Variants in PDE2A observed in about 807,000 individuals in gnomAD.
PDE2A encodes cGMP-dependent 3',5'-cyclic phosphodiesterase.
Under a neutral mutation model 133.6 loss-of-function variants are expected in PDE2A, and 53 were observed. The ratio of observed to expected loss-of-function variants is 0.40; its 90% CI spans 0.32 to 0.50. PDE2A has a LOEUF of 0.50. PDE2A is among the 20% of genes least tolerant of loss of function. The pLI is 0.73. For synonymous variants in PDE2A, 491 were observed against 490.2 expected, an observed-to-expected ratio of 1.00 and a Z score of -0.02; for missense variants, 796 against 1,232.4, an observed-to-expected ratio of 0.65 and a Z score of 5.30.
At chr11:72,640,993 C>T (rs766805689) in intron 2 of PDE2A, among the ~76,000 whole-genome samples, 5 of 152,184 alleles carry the variant, frequency 3.3e-5, no homozygotes, top group Non-Finnish European at 5.9e-5. Context: ...GCACAACACA[C>T]ATGATTACAC....
intron 1 of PDE2A, among the ~76,000 whole-genome samples, chr11:72,660,324 G>A (rs1855015822): frequency 6.6e-6 from 1 of 152,186 alleles, no homozygotes; most frequent in Non-Finnish European, 1.5e-5. Flanking sequence ...AGAACTGGCA[G>A]CCATGCAGAA....
chr11:72,604,230 A>G (rs1856873453), intron 4 of PDE2A, among the ~76,000 whole-genome samples: 1 of 152,190 alleles, frequency 6.6e-6, no homozygotes, highest in Non-Finnish European at 1.5e-5. Flanking sequence ...CCTGCCCCCA[A>G]GGTTTTCTCA....
intron 2 of PDE2A, chr11:72,636,020 TG>T: frequency 7.9e-7 from 1 of 1,262,936 alleles, no homozygotes; most frequent in Admixed American, 2.3e-5. Flanking sequence ...TGTCTCCCAG[TG>T]GCAGCCCCCA....
intron 7 of PDE2A, chr11:72,591,042 C>T (rs1184811915): frequency 4.2e-6 from 2 of 477,322 alleles, no homozygotes; most frequent in Non-Finnish European, 7.5e-6. Flanking sequence ...AGTTGGCAAC[C>T]GTGTGTATTT....
At chr11:72,608,510 C>T in intron 3 of PDE2A, 152 bp downstream of exon 3, 2 of 529,940 alleles carry the variant, frequency 3.8e-6, no homozygotes, top group Non-Finnish European at 3.5e-6. Context: ...TGTCTCAGAA[C>T]ACCCATCCAG....
chr11:72,599,589 C>A (rs910623253), intron 4 of PDE2A, among the ~76,000 whole-genome samples: 1 of 152,216 alleles, frequency 6.6e-6, no homozygotes, highest in African/African-American at 2.4e-5. Context: ...CACATGGAGA[C>A]ACCTTTTCCC....
At chr11:72,594,917 C>T (rs79781628) in intron 6 of PDE2A, among the ~76,000 whole-genome samples, 2,902 of 152,230 alleles carry the variant, frequency 0.019, 86 homozygotes, top group African/African-American at 0.067. Flanking sequence ...TGCCTTCCCC[C>T]AGACTGAGAG....
rs1855587200 is a variant in PDE2A, at chr11:72,578,969, G to A, written c.2397C>T (p.Leu799=). The A allele has an allele frequency of 1.2e-6, 2 of 1,614,004 alleles. No homozygotes were observed. The highest frequency in any genetic ancestry group is 2.2e-5 in the East Asian group (1 of 44,876). ...DRNNKQHHRL[L]LCLLMTSCDL... ...CACAGGAGGTCATGAGGAGGCAGAG[G>A]AGAAGTCTGTGGTGCTGCTTGTTGT... The change falls in exon 28 of 31, where the codon CTC becomes CTT. Residue 799 remains leucine (L), a synonymous_variant. Coordinates refer to ENST00000334456, the MANE Select transcript of PDE2A (RefSeq NM_002599.5). The surrounding 1 kb of genome is among the most constrained non-coding windows in gnomAD (Gnocchi z 4.2).
In PDE2A at chr11:72,577,071, C is replaced by T. The variant is rs1380365828; in HGVS notation, c.*313G>A. 3.2e-6 allele frequency: 1 copy of T among 312,404 alleles called. No individual in the cohort carries two copies. The highest frequency in any genetic ancestry group is 8.5e-5 in the South Asian group (1 of 11,822). 19.4% of individuals were successfully genotyped at this position (312,404 alleles called of 1,614,324 possible). On this transcript the variant is annotated 3_prime_UTR_variant, in exon 31 of 31. Coordinates refer to ENST00000334456, the MANE Select transcript of PDE2A (RefSeq NM_002599.5). Reference sequence around the variant, plus strand: ...CAGAAATGGGGCAAGGAGAAACCATCAAGCTGCTCAGACAAAGAATGGCTT... The same window carrying T: ...CAGAAATGGGGCAAGGAGAAACCATTAAGCTGCTCAGACAAAGAATGGCTT...
Position 72,583,474 on chromosome 11 carries a change from G to C in PDE2A, c.1692C>G (p.Ser564Arg). ...ACATCATCATCTCATTGGCCAGGTG[G>C]CTGCGATACTGAGCCTCATTCACTT... ...YKKVNEAQYRSHLANEMMMYH... is the reference protein window; with the variant it reads ...YKKVNEAQYRRHLANEMMMYH... Residue 564 changes from serine to arginine, a missense_variant, in exon 20 of 31, where the codon AGC becomes AGG. Around this residue, in one of 7 missense-constraint regions of PDE2A, gnomAD observed 218 missense variants for 465.9 expected, o/e 0.47. Coordinates refer to ENST00000334456, the MANE Select transcript of PDE2A (RefSeq NM_002599.5). 6.2e-7 allele frequency: 1 copy of C among 1,612,862 alleles called. No individual in the cohort carries two copies. The highest frequency in any genetic ancestry group is 8.5e-7 in the Non-Finnish European group (1 of 1,178,878).
At chr11:72,625,829 G>A (rs759304237) in intron 2 of PDE2A, among the ~76,000 whole-genome samples, 24 of 152,256 alleles carry the variant, frequency 1.6e-4, no homozygotes, top group South Asian at 6.2e-4. Flanking sequence ...TGCCCCAGCC[G>A]GTCTGCAGGA....
intron 2 of PDE2A, among the ~76,000 whole-genome samples, chr11:72,626,744 C>A (rs1858098162): frequency 6.6e-6 from 1 of 152,216 alleles, no homozygotes; most frequent in African/African-American, 2.4e-5. Flanking sequence ...CTGCCTAGTG[C>A]TACCCCCGCA....
At position 72,612,275 on chromosome 11, in the gene PDE2A, C is replaced by CCACACA. The variant is rs55775130; in HGVS notation, c.145-3530_145-3525dup. ...TTGCACTTAGACATGCACATCACATCCACACACACACACACACACACACAC... is the reference window on the plus strand; with the variant it reads ...TTGCACTTAGACATGCACATCACATCCACACACACACACACACACACACACACACAC... On this transcript the variant is annotated intron_variant, in intron 2 of 30. Transcript: ENST00000334456. Among the ~76,000 whole-genome samples the CCACACA allele has an allele frequency of 9.0e-3, 1,124 of 124,228 alleles. 20 individuals are homozygous for CCACACA. The highest frequency in any genetic ancestry group is 0.029 in the African/African-American group (1,038 of 35,986). 81.5% of individuals were successfully genotyped at this position (124,228 alleles called of 152,430 possible).
At chr11:72,619,112 T>C (rs1468154425) in intron 2 of PDE2A, among the ~76,000 whole-genome samples, 1 of 152,158 alleles carries the variant, frequency 6.6e-6, no homozygotes, top group Non-Finnish European at 1.5e-5. Context: ...CTGGGATATC[T>C]TGTGGGACTG....
chr11:72,583,530 G>A lies in PDE2A; in HGVS notation c.1651-15C>T, dbSNP rs756530732. On this transcript the variant is annotated splice_polypyrimidine_tract_variant and intron_variant, in intron 19 of 30. Transcript: ENST00000334456. Reference sequence around the variant, plus strand: ...TATAGGAGAGACTAGGGGAAAGAGGGAAAGATGGGGCTCAAGGAAGGTGGC... The same window carrying A: ...TATAGGAGAGACTAGGGGAAAGAGGAAAAGATGGGGCTCAAGGAAGGTGGC... The A allele has an allele frequency of 1.3e-6, 2 of 1,565,786 alleles. No homozygotes were observed. The highest frequency in any genetic ancestry group is 2.7e-5 in the African/African-American group (2 of 73,980).
chr11:72,642,434 C>G (rs949384180), intron 1 of PDE2A, 108 bp from the exon 2 acceptor site: 41 of 1,203,746 alleles, frequency 3.4e-5, no homozygotes, highest in Non-Finnish European at 4.2e-5. Flanking sequence ...AGCGCGTCCG[C>G]GACAGCTTCG....
chr11:72,615,244 T>C, intron 2 of PDE2A: 1 of 302,022 alleles, frequency 3.3e-6, no homozygotes, highest in South Asian at 2.7e-5. Flanking sequence ...CCTCTCGCCC[T>C]TCCCAAGCCA....
chr11:72,642,216 C>T, intron 2 of PDE2A, 38 bp downstream of exon 2: 1 of 1,425,298 alleles, frequency 7.0e-7, no homozygotes, highest in Non-Finnish European at 9.2e-7. Flanking sequence ...TCGCCGGACA[C>T]CCCGTTCTCC....
chr11:72,582,446 T>A lies in PDE2A; in HGVS notation c.1849A>T (p.Met617Leu). ...PRSLPEDDTS[M>L]AILSMLQDMN... ...TCAAGTGGAGGAGAGCAACTCACCA[T>A]GGACGTGTCATCCTCGGGCAGGGAA... The change falls in exon 21 of 31, where the codon ATG (methionine) becomes TTG (leucine). Residue 617 changes from methionine (M) to leucine (L), a missense_variant and splice_region_variant. Physicochemically the swap from Met to Leu is conservative, Grantham distance 15 (BLOSUM62 2). Around this residue, in one of 7 missense-constraint regions of PDE2A, gnomAD observed 218 missense variants for 465.9 expected, o/e 0.47. Coordinates refer to ENST00000334456, the MANE Select transcript of PDE2A (RefSeq NM_002599.5). 1.2e-6 allele frequency: 2 copies of A among 1,613,914 alleles called. No individual in the cohort carries two copies. Among genetic ancestry groups the A allele is most frequent in the Non-Finnish European group, 1.7e-6 (2 of 1,179,898 alleles).
Sources: allele counts gnomAD v4.1 joint callset (sites outside exome capture counted in the v4.1 genomes callset), GRCh38; gene constraint gnomAD v4.1.1; regional missense constraint gnomAD v4.1.1; non-coding constraint Gnocchi (gnomAD v3.1); transcripts MANE v1.5; gene names NCBI Gene and HGNC (gene_info 2026-07-23, HGNC 2026-07-21).